The following SLC4A8 variants were observed in gnomAD, a reference collection of about 807,000 sequenced individuals.
SLC4A8 encodes electroneutral sodium bicarbonate exchanger 1.
In SLC4A8, 40 loss-of-function variants were observed where a neutral mutation model predicts 125.0. The observed-to-expected ratio is 0.32, with a 90% CI of 0.25 to 0.42. The LOEUF is 0.42. Ranked by LOEUF, SLC4A8 falls within the 10% of genes least tolerant of loss-of-function variation. SLC4A8 has a pLI of 1.00. For synonymous variants in SLC4A8, 456 were observed against 476.0 expected, an observed-to-expected ratio of 0.96 and a Z score of 0.55; for missense variants, 863 against 1,355.1, an observed-to-expected ratio of 0.64 and a Z score of 5.70.
chr12:51,433,876 T>G (rs1592175194), intron 1 of SLC4A8, among the ~76,000 whole-genome samples: 1 of 30,494 alleles, frequency 3.3e-5, no homozygotes, highest in Middle Eastern at 0.011. Flanking sequence ...TTTTTTTTTT[T>G]TTGGTTGGTT....
chr12:51,488,689 T>C lies in SLC4A8; in HGVS notation c.2287-10T>C. On this transcript the variant is annotated splice_polypyrimidine_tract_variant and intron_variant, in intron 17 of 24. Transcript: ENST00000453097. ...CTTAAAATACAAAAATAATATATTT[T>C]CCCCCTTAGCCAACAAGGGATGATC... is the stretch of plus-strand genomic sequence containing the variant. 5 of 1,609,202 alleles carry C rather than the reference T, an allele frequency of 3.1e-6. No individual in the cohort carries two copies. The highest frequency in any genetic ancestry group is 4.2e-6 in the Non-Finnish European group (5 of 1,176,512).
chr12:51,500,593 T>G (rs1221830280), intron 22 of SLC4A8, among the ~76,000 whole-genome samples: 1 of 152,104 alleles, frequency 6.6e-6, no homozygotes, highest in African/African-American at 2.4e-5. Flanking sequence ...TATTTTTCCT[T>G]TGTTAAAATT....
intron 11 of SLC4A8, chr12:51,467,347 C>G (rs1950553209): frequency 6.6e-6 from 1 of 152,248 alleles, no homozygotes; most frequent in South Asian, 2.1e-4. Flanking sequence ...TGCTTCTCTT[C>G]CCTAAGCCCA....
chr12:51,470,665 C>T, intron 13 of SLC4A8, 140 bp downstream of exon 13: 1 of 754,796 alleles, frequency 1.3e-6, no homozygotes, highest in Middle Eastern at 3.8e-4. Context: ...ATCATTTGGT[C>T]TGTTGTCCTG....
At chr12:51,411,203 A>G (rs1171523270) in intron 1 of SLC4A8, among the ~76,000 whole-genome samples, 2 of 151,854 alleles carry the variant, frequency 1.3e-5, no homozygotes, top group African/African-American at 4.8e-5. Flanking sequence ...TTCCCTATGC[A>G]ATAATTTGGT....
chr12:51,425,044 C>CCGCCTCCCG lies in SLC4A8; in HGVS notation c.48+20_48+28dup, dbSNP rs200983907. ...GCGTCCTCAGCTATCAGGTAGGGCC[C>CCGCCTCCCG]CGCCTCCCGCGCCTCCCGCTCCTCC... On this transcript the variant is annotated intron_variant, in intron 1 of 24. Coordinates refer to ENST00000453097, the MANE Select transcript of SLC4A8 (RefSeq NM_001039960.3). 3.9e-6 allele frequency: 6 copies of CCGCCTCCCG among 1,552,538 alleles called. No individual in the cohort carries two copies. Among genetic ancestry groups the CCGCCTCCCG allele is most frequent in the African/African-American group, 1.4e-5 (1 of 73,100 alleles).
Position 51,488,263 on chromosome 12 carries a change from A to G in SLC4A8, c.2287-436A>G, listed in dbSNP as rs539515811. ...TTTACTAACAAGGAGACAGGAATTC[A>G]GCTCAAATCTGTCTCCCTGCACTGG... is the stretch of plus-strand genomic sequence containing the variant. On this transcript the variant is annotated intron_variant, in intron 17 of 24. Transcript: ENST00000453097. 1.3e-4 allele frequency among the ~76,000 whole-genome samples: 20 copies of G among 152,328 alleles called. No individual in the cohort carries two copies. The East Asian group carries it at 2.9e-3, about 22-fold the overall frequency.
chr12:51,392,193 C>T (rs930096206), intron 1 of SLC4A8: 2 of 152,336 alleles, frequency 1.3e-5, no homozygotes, highest in African/African-American at 4.8e-5. Context: ...CCGAATGTAC[C>T]GGGGAGGCAG....
intron 4 of SLC4A8, 44 bp from the exon 5 acceptor site, chr12:51,453,495 C>T (rs1361183648): frequency 6.3e-7 from 1 of 1,596,920 alleles, no homozygotes; most frequent in Non-Finnish European, 8.6e-7. Context: ...TTAAAAATTC[C>T]TCATTTTCTA....
In SLC4A8 at chr12:51,461,245, A is replaced by G; in HGVS notation, c.1055A>G (p.Gln352Arg). ...TTGGGTCCAGTAGGGAAAGGTCAGC[A>G]GTACCATGAGATTGGCAGATCCATG... ...ILLGPVGKGQ[Q>R]YHEIGRSMAT... Residue 352 changes from glutamine (Q) to arginine (R), a missense_variant, in exon 9 of 25, where the codon CAG (glutamine) becomes CGG (arginine). Gln to Arg is a conservative substitution (Grantham distance 43). Around this residue, in one of 6 missense-constraint regions of SLC4A8, gnomAD observed 390 missense variants for 634.4 expected, o/e 0.61. Coordinates refer to ENST00000453097, the MANE Select transcript of SLC4A8 (RefSeq NM_001039960.3). The G allele has an allele frequency of 1.2e-6, 2 of 1,613,348 alleles. No homozygotes were observed. The highest frequency in any genetic ancestry group is 1.7e-6 in the Non-Finnish European group (2 of 1,179,370).
In SLC4A8 at chr12:51,442,454, AGC is replaced by A. The variant is rs1433181339; in HGVS notation, c.130+1666_130+1667del. On this transcript the variant is annotated intron_variant, in intron 2 of 24. Transcript: ENST00000453097. ...ACTTGGGAGTAGAATAAGAAACCTG[AGC>A]AAGCTCTCTTGAATCTTAACAACTG... 7.2e-5 allele frequency among the ~76,000 whole-genome samples: 11 copies of A among 152,312 alleles called. No homozygotes were observed. The South Asian group carries it at 2.3e-3, about 32-fold the overall frequency.
chr12:51,409,876 C>A (rs1592145127), intron 1 of SLC4A8, among the ~76,000 whole-genome samples: 1 of 152,190 alleles, frequency 6.6e-6, no homozygotes, highest in East Asian at 1.9e-4. Context: ...AAAACCATTT[C>A]AACTTTTTGG....
chr12:51,446,866 CTG>C (rs983469955), intron 2 of SLC4A8, among the ~76,000 whole-genome samples: 1 of 152,212 alleles, frequency 6.6e-6, no homozygotes, highest in African/African-American at 2.4e-5. Context: ...GTGTGAAACA[CTG>C]TGCTTGATTA....
At chr12:51,485,751 C>G (rs1951146372) in intron 16 of SLC4A8, 36 bp from the exon 17 acceptor site, 3 of 1,215,436 alleles carry the variant, frequency 2.5e-6, no homozygotes, top group Non-Finnish European at 2.4e-6. Flanking sequence ...TGTATTTAAC[C>G]TGCCAAAACA....
intron 24 of SLC4A8, among the ~76,000 whole-genome samples, 192 bp downstream of exon 24, chr12:51,506,122 G>C (rs1938158125): frequency 1.3e-5 from 2 of 152,166 alleles, no homozygotes; most frequent in Admixed American, 6.5e-5. Context: ...ATTTGGTCAG[G>C]GTGTTTTAAG....
intron 1 of SLC4A8, among the ~76,000 whole-genome samples, chr12:51,404,738 C>T (rs558765260): frequency 6.6e-6 from 1 of 152,188 alleles, no homozygotes; most frequent in Non-Finnish European, 1.5e-5. Context: ...CTTTTGGACT[C>T]CTGGGTCCTG....
At chr12:51,407,166 T>C (rs190625391) in intron 1 of SLC4A8, among the ~76,000 whole-genome samples, 1 of 152,230 alleles carries the variant, frequency 6.6e-6, no homozygotes, top group Non-Finnish European at 1.5e-5. Context: ...GCAACCTGAC[T>C]GACGGGAGGA....
chr12:51,484,815 A>G (rs1951121708), intron 16 of SLC4A8, among the ~76,000 whole-genome samples: 1 of 152,212 alleles, frequency 6.6e-6, no homozygotes, highest in African/African-American at 2.4e-5. Flanking sequence ...ATGGAGGAAA[A>G]TAAAGCAGTA....
At chr12:51,415,289 T>A (rs1464663982) in intron 1 of SLC4A8, among the ~76,000 whole-genome samples, 1 of 152,102 alleles carries the variant, frequency 6.6e-6, no homozygotes, top group African/African-American at 2.4e-5. Flanking sequence ...GCTCTTTGAT[T>A]TTTTGGAATA....
Sources: gnomAD v4.1 joint callset for allele counts (sites outside exome capture counted in the v4.1 genomes callset) on GRCh38, gnomAD v4.1.1 for gene constraint, gnomAD v4.1.1 regional missense constraint, MANE v1.5 for transcripts, NCBI Gene and HGNC (gene_info 2026-07-23, HGNC 2026-07-21) for gene names.